The following NCAM2 variants were observed in gnomAD, a reference collection of about 807,000 sequenced individuals.
NCAM2 encodes N-CAM-2.
In NCAM2, 30 loss-of-function variants were observed where a neutral mutation model predicts 98.1. The observed-to-expected ratio is 0.31, with a 90% CI of 0.23 to 0.41. The LOEUF (loss-of-function observed/expected upper bound fraction) is 0.41. NCAM2 is among the 10% of genes least tolerant of loss of function. NCAM2 has a pLI of 1.00. For missense variants in NCAM2, 867 were observed against 1,005.8 expected (o/e 0.86, Z 1.87); for synonymous variants, 368 against 342.4 (o/e 1.07, Z -0.83).
chr21:21,424,552 T>C (rs972776395), intron 11 of NCAM2, among the ~76,000 whole-genome samples: 1 of 151,984 alleles, frequency 6.6e-6, no homozygotes, highest in Non-Finnish European at 1.5e-5. Flanking sequence ...CCAGGGAAGA[T>C]GAAAGGGAAA....
chr21:21,254,195 A>T (rs2826755), intron 1 of NCAM2, among the ~76,000 whole-genome samples: 2 of 151,994 alleles, frequency 1.3e-5, no homozygotes, highest in African/African-American at 2.4e-5. Flanking sequence ...TAGCACATTT[A>T]GCGTATTATT....
intron 1 of NCAM2, among the ~76,000 whole-genome samples, chr21:21,204,060 A>T (rs2069343659): frequency 2.0e-5 from 3 of 152,152 alleles, no homozygotes; most frequent in Admixed American, 2.0e-4. Context: ...TCTATTGAGT[A>T]TCAACAAGTG....
chr21:21,050,818 C>G (rs2065093771), intron 1 of NCAM2, among the ~76,000 whole-genome samples: 1 of 152,122 alleles, frequency 6.6e-6, no homozygotes, highest in South Asian at 2.1e-4. Flanking sequence ...TACGTAGACA[C>G]TACAAATGTG....
intron 10 of NCAM2, among the ~76,000 whole-genome samples, chr21:21,412,150 G>A (rs554425981): frequency 1.3e-5 from 2 of 152,288 alleles, no homozygotes; most frequent in South Asian, 4.1e-4. Flanking sequence ...ATATCATGGT[G>A]CCTGCCAGGT....
chr21:21,538,302 T>C lies in NCAM2; in HGVS notation c.*345T>C, dbSNP rs543049428. The C allele has an allele frequency of 1.7e-3, 239 of 137,504 alleles. No individual in the cohort carries two copies. The highest frequency in any genetic ancestry group is 2.8e-3 in the Non-Finnish European group (171 of 60,464). 8.5% of individuals were successfully genotyped at this position (137,504 alleles called of 1,614,324 possible). ...CTATATTTAATACCACCAACAAATA[T>C]AGGGGTTAAGGAAAAAAAACGTGAG... On this transcript the variant is annotated 3_prime_UTR_variant, in exon 18 of 18. Coordinates refer to ENST00000400546, the MANE Select transcript of NCAM2 (RefSeq NM_004540.5).
intron 1 of NCAM2, among the ~76,000 whole-genome samples, chr21:21,260,138 CA>C (rs1446515343): frequency 1.3e-5 from 2 of 151,334 alleles, no homozygotes; most frequent in African/African-American, 4.9e-5. Flanking sequence ...TTAACCCAGT[CA>C]GACAAAAATA....
chr21:21,068,570 C>T (rs1295557571), intron 1 of NCAM2, among the ~76,000 whole-genome samples: 3 of 150,302 alleles, frequency 2.0e-5, no homozygotes. Flanking sequence ...CGCGATTCTT[C>T]TGCCTCAGCC....
intron 1 of NCAM2, among the ~76,000 whole-genome samples, chr21:21,166,294 G>A (rs1409591533): frequency 1.3e-5 from 2 of 152,078 alleles, no homozygotes; most frequent in Non-Finnish European, 1.5e-5. Context: ...TGCAACCTCC[G>A]CCTCCCAGGT....
intron 1 of NCAM2, among the ~76,000 whole-genome samples, chr21:21,024,924 G>C (rs1483430564): frequency 6.6e-6 from 1 of 151,624 alleles, no homozygotes; most frequent in African/African-American, 2.4e-5. Context: ...ACGAAAAAAA[G>C]GTTTTGTTTT....
chr21:21,103,607 A>G (rs555589265), intron 1 of NCAM2, among the ~76,000 whole-genome samples: 38 of 152,182 alleles, frequency 2.5e-4, no homozygotes, highest in Non-Finnish European at 4.6e-4. Context: ...AAAAAAATCC[A>G]TAATGCTTCT....
intron 1 of NCAM2, among the ~76,000 whole-genome samples, chr21:21,248,161 C>T (rs1039354585): frequency 1.3e-5 from 2 of 151,704 alleles, no homozygotes; most frequent in Non-Finnish European, 2.9e-5. Context: ...GTATTATTTC[C>T]ATTTTATAGA....
At chr21:21,368,404 T>C (rs1370397989) in intron 8 of NCAM2, among the ~76,000 whole-genome samples, 1 of 151,914 alleles carries the variant, frequency 6.6e-6, no homozygotes, top group Non-Finnish European at 1.5e-5. Flanking sequence ...TCCCAGCATG[T>C]CATCAGTGTA....
rs1459279500 is a variant in NCAM2, at chr21:21,286,360, A to G, written c.429A>G (p.Ala143=). 6.2e-7 allele frequency: 1 copy of G among 1,612,546 alleles called. No individual in the cohort carries two copies. The highest frequency in any genetic ancestry group is 2.2e-5 in the East Asian group (1 of 44,808). Reference sequence around the variant, plus strand: ...TTTGCCGAGTTAGCAGTTCACCTGCACCTGCTGTCAGCTGGTTGTATCATA... The same window carrying G: ...TTTGCCGAGTTAGCAGTTCACCTGCGCCTGCTGTCAGCTGGTTGTATCATA... ...EVVCRVSSSP[A]PAVSWLYHNE... The change falls in exon 4 of 18, where the codon GCA becomes GCG. Residue 143 remains alanine, a synonymous_variant. Coordinates refer to ENST00000400546, the MANE Select transcript of NCAM2 (RefSeq NM_004540.5).
chr21:21,362,410 C>T (rs997852864), intron 8 of NCAM2, among the ~76,000 whole-genome samples: 2 of 150,402 alleles, frequency 1.3e-5, no homozygotes, highest in African/African-American at 4.9e-5. Flanking sequence ...TTTTTTTAAA[C>T]CTGAAACAGG....
chr21:21,506,531 A>G (rs1569126518), intron 15 of NCAM2, among the ~76,000 whole-genome samples: 1 of 152,128 alleles, frequency 6.6e-6, no homozygotes, highest in Non-Finnish European at 1.5e-5. Flanking sequence ...ATTCATGCAT[A>G]GAGATATACC....
At chr21:21,018,274 C>T (rs2064358740) in intron 1 of NCAM2, among the ~76,000 whole-genome samples, 3 of 152,164 alleles carry the variant, frequency 2.0e-5, no homozygotes, top group Admixed American at 2.0e-4. Context: ...TGATGTTTTC[C>T]ATCAAAACAT....
At chr21:21,248,468 G>A (rs142604261) in intron 1 of NCAM2, among the ~76,000 whole-genome samples, 1 of 151,786 alleles carries the variant, frequency 6.6e-6, no homozygotes, top group Admixed American at 6.6e-5. Context: ...TCACATCTTA[G>A]TCTTTGCTCT....
chr21:21,286,905 A>G (rs2073122525), intron 4 of NCAM2, among the ~76,000 whole-genome samples: 1 of 151,946 alleles, frequency 6.6e-6, no homozygotes, highest in Admixed American at 6.6e-5. Context: ...ATTCTATGGT[A>G]TCACTATATG....
intron 1 of NCAM2, among the ~76,000 whole-genome samples, chr21:21,153,414 C>A (rs1470257703): frequency 1.3e-5 from 2 of 151,476 alleles, no homozygotes; most frequent in African/African-American, 4.8e-5. Context: ...GTTTATTTGC[C>A]CCTTGCCTTG....
Sources: allele counts gnomAD v4.1 joint callset (sites outside exome capture counted in the v4.1 genomes callset), GRCh38; gene constraint gnomAD v4.1.1; transcripts MANE v1.5; gene names NCBI Gene and HGNC (gene_info 2026-07-23, HGNC 2026-07-21).